Variants in C10orf53 observed in about 807,000 individuals in gnomAD.
C10orf53 encodes the protein UPF0728 protein C10orf53.
Under a neutral mutation model 9.4 loss-of-function variants are expected in C10orf53, and 8 were observed. The ratio of observed to expected loss-of-function variants is 0.85; its 90% CI spans 0.50 to 1.53. The LOEUF (loss-of-function observed/expected upper bound fraction) is 1.53. C10orf53 is among the 40% of genes most tolerant of loss of function. The pLI, the probability that C10orf53 is intolerant of heterozygous loss-of-function variation, is 0.00. For synonymous variants in C10orf53, 48 were observed against 46.0 expected, an observed-to-expected ratio of 1.04 and a Z score of -0.18; for missense variants, 117 against 117.8, an observed-to-expected ratio of 0.99 and a Z score of 0.03.
At chr10:49,692,706 A>T (rs1253275082) in intron 1 of C10orf53, among the ~76,000 whole-genome samples, 4 of 152,224 alleles carry the variant, frequency 2.6e-5, no homozygotes, top group African/African-American at 9.6e-5. Context: ...AATACATTGG[A>T]AAAAATAGAG....
At chr10:49,709,973 C>G (rs4838556) in exon 3 of C10orf53, 5,294 of 31,106 alleles carry the variant, frequency 0.17, 166 homozygotes, top group South Asian at 0.31. Context: ...GTGTGTGTGT[C>G]TGTGTGTGTG....
downstream of C10orf53, among the ~76,000 whole-genome samples, chr10:49,699,668 C>T (rs1045599354): frequency 1.3e-5 from 2 of 152,206 alleles, no homozygotes; most frequent in Admixed American, 1.3e-4. Context: ...ATTAATTCCA[C>T]CGTCACCCTT....
chr10:49,682,566 AGGGGGACAGGAGCCAGTTGCTGCTGCT>A (rs1840490043), intron 1 of C10orf53, among the ~76,000 whole-genome samples: 1 of 4,634 alleles, frequency 2.2e-4, no homozygotes. Flanking sequence ...CTGCTGGCGC[AGGGGGACAGGAGCCAGTTGCTGCTGCT>A]GGCGCAGGTG....
At chr10:49,687,767 A>C (rs1276908020) in intron 1 of C10orf53, among the ~76,000 whole-genome samples, 1 of 152,120 alleles carries the variant, frequency 6.6e-6, no homozygotes, top group Non-Finnish European at 1.5e-5. Context: ...GCAGCAGGCT[A>C]TTGGGTCTGG....
chr10:49,694,285 T>G (rs1347710239), intron 2 of C10orf53: 1 of 600,382 alleles, frequency 1.7e-6, no homozygotes, highest in Non-Finnish European at 2.9e-6. Context: ...TGAGTTGATA[T>G]GCCAGCAGTG....
chr10:49,698,054 G>C (rs1172879536), downstream of C10orf53, among the ~76,000 whole-genome samples: 1 of 152,198 alleles, frequency 6.6e-6, no homozygotes, highest in East Asian at 1.9e-4. Context: ...GTTTTGGGAA[G>C]CCAAGAAAGG....
intron 2 of C10orf53, among the ~76,000 whole-genome samples, chr10:49,702,619 A>T (rs1840692496): frequency 6.6e-6 from 1 of 152,128 alleles, no homozygotes; most frequent in South Asian, 2.1e-4. Context: ...TTGGACTTAA[A>T]CTACCACCTA....
At chr10:49,681,280 CAT>C (rs1308036346) in intron 1 of C10orf53, among the ~76,000 whole-genome samples, 2 of 152,164 alleles carry the variant, frequency 1.3e-5, no homozygotes, top group Non-Finnish European at 2.9e-5. Flanking sequence ...TTGGAGAGAA[CAT>C]ATAGAATGAG....
chr10:49,682,325 G>A (rs1840486617), intron 1 of C10orf53, among the ~76,000 whole-genome samples: 1 of 151,980 alleles, frequency 6.6e-6, no homozygotes, highest in Non-Finnish European at 1.5e-5. Context: ...ATGAAGCCAG[G>A]GACCTCGCGG....
intron 2 of C10orf53, among the ~76,000 whole-genome samples, chr10:49,702,891 A>G (rs7067967): frequency 0.46 from 69,220 of 152,020 alleles, 16,180 homozygotes; most frequent in Middle Eastern, 0.5. Context: ...GTTCTGGTCC[A>G]TGATGTCTAC....
chr10:49,688,271 T>C (rs2132878124), intron 1 of C10orf53, among the ~76,000 whole-genome samples: 1 of 151,446 alleles, frequency 6.6e-6, no homozygotes, highest in South Asian at 2.1e-4. Context: ...CACCTCTCAC[T>C]CCTCTTTCCC....
At chr10:49,706,603 G>A (rs189478689) in intron 2 of C10orf53, among the ~76,000 whole-genome samples, 5 of 152,222 alleles carry the variant, frequency 3.3e-5, no homozygotes. Flanking sequence ...AAAGAATAAG[G>A]TGTTTCTTTT....
intron 1 of C10orf53, among the ~76,000 whole-genome samples, chr10:49,680,146 C>G (rs1334100264): frequency 1.3e-5 from 2 of 152,262 alleles, no homozygotes; most frequent in East Asian, 3.8e-4. Context: ...GGTATTCCAT[C>G]TCTTAATCGT....
chr10:49,683,677 C>A (rs532286223), intron 1 of C10orf53, among the ~76,000 whole-genome samples: 4 of 152,244 alleles, frequency 2.6e-5, no homozygotes, highest in African/African-American at 9.6e-5. Flanking sequence ...GAGTTCAAGA[C>A]CAGCCTGGTT....
chr10:49,680,999 G>C (rs1054993682), intron 1 of C10orf53, among the ~76,000 whole-genome samples: 1 of 152,200 alleles, frequency 6.6e-6, no homozygotes, highest in Non-Finnish European at 1.5e-5. Context: ...GGTTTATTGG[G>C]AGGTAACCCT....
chr10:49,693,970 A>T, intron 2 of C10orf53, 77 bp downstream of exon 2: 1 of 1,589,624 alleles, frequency 6.3e-7, no homozygotes, highest in Non-Finnish European at 8.6e-7. Flanking sequence ...TGAAATGATC[A>T]GTGTATCATG....
intron 2 of C10orf53, among the ~76,000 whole-genome samples, chr10:49,703,926 T>C (rs1332002627): frequency 2.6e-5 from 4 of 152,210 alleles, no homozygotes; most frequent in Non-Finnish European, 5.9e-5. Context: ...GAATGTAGTA[T>C]ATGATAAAGG....
chr10:49,705,608 C>A (rs1041982616), intron 2 of C10orf53, among the ~76,000 whole-genome samples: 2 of 152,074 alleles, frequency 1.3e-5, no homozygotes, highest in African/African-American at 4.8e-5. Flanking sequence ...CTACCTCACA[C>A]CATATACAAA....
In C10orf53 at chr10:49,688,950, C is replaced by G. The variant is rs535996341; in HGVS notation, c.98-4824C>G. Among the ~76,000 whole-genome samples, 3 of 152,308 alleles carry G rather than the reference C, an allele frequency of 2.0e-5. No homozygotes were observed. The South Asian group carries it at 6.2e-4, about 32-fold the overall frequency. ...TCGTAATTACCTACCTCAGCACGCA[C>G]TCACCTGTATACCTTGTTACCCTTC... is the stretch of plus-strand genomic sequence containing the variant. On this transcript the variant is annotated intron_variant, in intron 1 of 2. Coordinates refer to ENST00000374111, the MANE Select transcript of C10orf53 (RefSeq NM_001042427.3).
Sources: allele counts gnomAD v4.1 joint callset (sites outside exome capture counted in the v4.1 genomes callset), GRCh38; gene constraint gnomAD v4.1.1; transcripts MANE v1.5; gene names NCBI Gene and HGNC (gene_info 2026-07-23, HGNC 2026-07-21).